The following ZZEF1 variants were observed in gnomAD, a reference collection of about 807,000 sequenced individuals.
ZZEF1 encodes zinc finger ZZ-type and EF-hand domain-containing protein 1.
Under a neutral mutation model 342.8 loss-of-function variants are expected in ZZEF1, and 157 were observed. The observed-to-expected ratio is 0.46, with a 90% CI of 0.40 to 0.52. ZZEF1 has a LOEUF of 0.52. Among genes scored for constraint, ZZEF1 ranks in the 20% least tolerant of loss-of-function variants. The pLI, the probability that ZZEF1 is intolerant of heterozygous loss-of-function variation, is 0.00. For missense variants in ZZEF1, 3,480 were observed against 3,725.6 expected (o/e 0.93, Z 1.72); for synonymous variants, 1,505 against 1,429.1 (o/e 1.05, Z -1.20).
Position 4,006,489 on chromosome 17 carries a change from G to A in ZZEF1, c.*401C>T. ...GGTCTTGCTGGAAAGGTGGATCTGG[G>A]TGGACTGTGCCTCCCTCTGAAGGCA... is the stretch of plus-strand genomic sequence containing the variant. On this transcript the variant is annotated 3_prime_UTR_variant, in exon 55 of 55. Coordinates refer to ENST00000381638, the MANE Select transcript of ZZEF1 (RefSeq NM_015113.4). 1 of 264,030 alleles carries A rather than the reference G, an allele frequency of 3.8e-6. No individual in the cohort carries two copies. The highest frequency in any genetic ancestry group is 3.6e-5 in the South Asian group (1 of 27,552). The allele number at this position is 264,030 out of a possible 1,614,324, so 16.4% of individuals were successfully genotyped here.
At position 4,048,191 on chromosome 17, in the gene ZZEF1, G is replaced by C. The variant is rs550353418; in HGVS notation, c.6015+1517C>G. ...CTCTTTGTTCCCATCATAATCCGTG[G>C]GTGGTTAAAGTGCCGCCTACAGAAG... On this transcript the variant is annotated intron_variant, in intron 37 of 54. Transcript: ENST00000381638. Among the ~76,000 whole-genome samples the C allele has an allele frequency of 4.6e-5, 7 of 152,246 alleles. No homozygotes were observed. In the South Asian group the frequency reaches 1.5e-3, roughly 32 times the overall value.
At chr17:4,054,410 A>G (rs780174889) in intron 33 of ZZEF1, among the ~76,000 whole-genome samples, 1 of 152,222 alleles carries the variant, frequency 6.6e-6, no homozygotes, top group Non-Finnish European at 1.5e-5. Context: ...AGGAAATTGC[A>G]GGAGGCTTAG....
At chr17:4,058,662 C>A (rs1009606472) in intron 31 of ZZEF1, among the ~76,000 whole-genome samples, 1 of 152,136 alleles carries the variant, frequency 6.6e-6, no homozygotes, top group African/African-American at 2.4e-5. Flanking sequence ...ACTGCTTGAG[C>A]CCAGGAGCTC....
At chr17:4,007,012 T>TC (rs1328530573) in intron 54 of ZZEF1, 42 bp from the exon 55 acceptor site, 1 of 1,527,104 alleles carries the variant, frequency 6.5e-7, no homozygotes, top group Admixed American at 2.0e-5. Context: ...CGGGAGCCAC[T>TC]CCCTCATTCA....
At chr17:4,045,194 A>G (rs944305629) in intron 37 of ZZEF1, among the ~76,000 whole-genome samples, 3 of 152,014 alleles carry the variant, frequency 2.0e-5, no homozygotes, top group Non-Finnish European at 2.9e-5. Context: ...CGCATCCCCC[A>G]TCTTCCAAAT....
chr17:4,075,307 G>A lies in ZZEF1; in HGVS notation c.3357C>T (p.Thr1119=). 1 of 1,614,114 alleles carries A rather than the reference G, an allele frequency of 6.2e-7. No homozygotes were observed. The highest frequency in any genetic ancestry group is 1.3e-5 in the African/African-American group (1 of 75,016). Residue 1119 remains threonine, a synonymous_variant, in exon 22 of 55, where the codon ACC becomes ACT. Transcript: ENST00000381638. ...EVSVFVSPGA[T]YFEVEFDDRC... is the part of the protein sequence containing the mutation. ...TGTCATCGAATTCCACTTCAAAATA[G>A]GTTGCCCCTGGGCTAACAAAGACGG...
chr17:4,112,612 GCTGA>G lies in ZZEF1; in HGVS notation c.1059_1062del (p.Gln354SerfsTer7). On this transcript the variant is annotated frameshift_variant, in exon 5 of 55. Transcript: ENST00000381638. LOFTEE classifies it high-confidence loss of function. ...CCCTCAGTTCTGTTGGACTTACAGA[GCTGA>G]CTGACGTTGGCATTTTCCAGCAGCG... The G allele has an allele frequency of 6.2e-7, 1 of 1,614,010 alleles. No individual in the cohort carries two copies. Among genetic ancestry groups the G allele is most frequent in the Non-Finnish European group, 8.5e-7 (1 of 1,179,912 alleles).
chr17:4,108,305 C>A (rs1230544349), intron 6 of ZZEF1, among the ~76,000 whole-genome samples: 1 of 152,106 alleles, frequency 6.6e-6, no homozygotes, highest in Non-Finnish European at 1.5e-5. Context: ...CTGCTAGAGA[C>A]AGATAACAAA....
Position 4,008,717 on chromosome 17 carries a change from C to T in ZZEF1, c.8805+166G>A. 2 of 1,401,154 alleles carry T rather than the reference C, an allele frequency of 1.4e-6. No homozygotes were observed. Among genetic ancestry groups the T allele is most frequent in the Non-Finnish European group, 1.9e-6 (2 of 1,077,298 alleles). The allele number at this position is 1,401,154 out of a possible 1,614,324, so 86.8% of individuals were successfully genotyped here. On this transcript the variant is annotated intron_variant, in intron 54 of 54. Coordinates refer to ENST00000381638, the MANE Select transcript of ZZEF1 (RefSeq NM_015113.4). This position sits in a 1 kb window ranked among gnomAD's most constrained non-coding sequence, Gnocchi z 4.2. The stretch of plus-strand genomic sequence containing the variant: ...CTCTGATAAATGGGGCTCGTGCATG[C>T]TCTCTGAGCACCAGGAGGAAGTGAC...
At chr17:4,134,298 G>A (rs1398958736) in intron 1 of ZZEF1, among the ~76,000 whole-genome samples, 1 of 149,046 alleles carries the variant, frequency 6.7e-6, no homozygotes, top group Non-Finnish European at 1.5e-5. Flanking sequence ...TAGCCTGGGT[G>A]GTAGATGAAG....
chr17:4,007,831 G>T (rs978752391), intron 54 of ZZEF1, among the ~76,000 whole-genome samples: 1 of 152,098 alleles, frequency 6.6e-6, no homozygotes, highest in African/African-American at 2.4e-5. Flanking sequence ...CAAAAGGGCG[G>T]TGTGTTCGGA....
chr17:4,073,520 C>G (rs915418247), intron 24 of ZZEF1, among the ~76,000 whole-genome samples: 4 of 152,216 alleles, frequency 2.6e-5, no homozygotes, highest in African/African-American at 9.6e-5. Flanking sequence ...CATGCAGCCT[C>G]TAACTCCTGG....
intron 16 of ZZEF1, 142 bp downstream of exon 16, chr17:4,085,528 C>T: frequency 1.0e-6 from 1 of 972,152 alleles, no homozygotes; most frequent in Non-Finnish European, 1.5e-6. Flanking sequence ...CCTTAGATAT[C>T]TGTCCCACAC....
intron 40 of ZZEF1, 103 bp downstream of exon 40, chr17:4,033,910 CTG>C: frequency 6.9e-7 from 1 of 1,452,910 alleles, no homozygotes; most frequent in Non-Finnish European, 9.4e-7. Context: ...GACAACACAA[CTG>C]TAGCACACCG....
chr17:4,019,978 G>A, intron 45 of ZZEF1: 2 of 453,774 alleles, frequency 4.4e-6, no homozygotes, highest in Non-Finnish European at 7.7e-6. Flanking sequence ...TAACTTCAAA[G>A]GAAATTATAA....
At chr17:4,064,854 T>TTA (rs762960303) in intron 28 of ZZEF1, 25 bp from the exon 29 acceptor site, 26 of 1,171,918 alleles carry the variant, frequency 2.2e-5, no homozygotes, top group African/African-American at 1.1e-4. Flanking sequence ...GAATCATAAT[T>TTA]GAAAAAAAAA....
At chr17:4,098,651 A>G (rs1168505909) in intron 9 of ZZEF1, among the ~76,000 whole-genome samples, 1 of 152,180 alleles carries the variant, frequency 6.6e-6, no homozygotes, top group Non-Finnish European at 1.5e-5. Context: ...TTTTCTTAAC[A>G]ATTCTGCCTA....
Position 4,090,816 on chromosome 17 carries a change from G to T in ZZEF1, c.1928C>A (p.Ser643Tyr), listed in dbSNP as rs755573458. Residue 643 changes from serine to tyrosine, a missense_variant, in exon 12 of 55, where the codon TCT (serine) becomes TAT (tyrosine). Ser to Tyr is a moderately radical substitution (Grantham distance 144, BLOSUM62 -2). Coordinates refer to ENST00000381638, the MANE Select transcript of ZZEF1 (RefSeq NM_015113.4). The stretch of plus-strand genomic sequence containing the variant: ...AGGATCATCCTCTCCAAGGTCATCA[G>T]ATGAGCAACCAATCCTGTAAAGACA... ...QFVKSRIGCS[S>Y]DDLGEDDPIG... 1 of 1,613,900 alleles carries T rather than the reference G, an allele frequency of 6.2e-7. No individual in the cohort carries two copies.
intron 18 of ZZEF1, among the ~76,000 whole-genome samples, chr17:4,079,906 A>G (rs747494832): frequency 7.9e-5 from 12 of 152,252 alleles, no homozygotes; most frequent in Admixed American, 3.3e-4. Context: ...ATCAGCCACA[A>G]AAGAAAAGTT....
Sources: allele counts gnomAD v4.1 joint callset (sites outside exome capture counted in the v4.1 genomes callset), GRCh38; gene constraint gnomAD v4.1.1; non-coding constraint Gnocchi (gnomAD v3.1); transcripts MANE v1.5; gene names NCBI Gene and HGNC (gene_info 2026-07-23, HGNC 2026-07-21).